JCAD: variants seen among roughly 807,000 people sequenced by gnomAD.
JCAD encodes the protein junctional cadherin 5-associated protein.
JCAD carries 40 observed loss-of-function variants against 98.0 expected under a neutral mutation model. That is an observed-to-expected ratio of 0.41 (90% confidence interval 0.32 to 0.53). The LOEUF (loss-of-function observed/expected upper bound fraction) is 0.53. JCAD is among the 20% of genes least tolerant of loss of function. JCAD has a pLI of 0.31. For synonymous variants in JCAD, 691 were observed against 682.3 expected (o/e 1.01, Z -0.20); for missense variants, 1,705 against 1,738.1 (o/e 0.98, Z 0.34).
intron 1 of JCAD, among the ~76,000 whole-genome samples, chr10:30,082,912 T>C (rs1838111566): frequency 1.4e-5 from 2 of 146,778 alleles, no homozygotes. Context: ...CATGCACCTG[T>C]AGTCCCAGCT....
chr10:30,068,806 C>T (rs941923603), intron 2 of JCAD, among the ~76,000 whole-genome samples: 2 of 152,236 alleles, frequency 1.3e-5, no homozygotes, highest in African/African-American at 4.8e-5. Context: ...TCCCAGACAA[C>T]TAGGGATAAC....
chr10:30,108,655 G>A (rs180680808), intron 1 of JCAD, among the ~76,000 whole-genome samples: 186 of 152,242 alleles, frequency 1.2e-3, no homozygotes, highest in Non-Finnish European at 2.0e-3. Flanking sequence ...AGAAATGATG[G>A]CAGTGATCAT....
Position 30,025,976 on chromosome 10 carries a change from C to T in JCAD, c.4045+127G>A, listed in dbSNP as rs757096733. On this transcript the variant is annotated intron_variant, in intron 3 of 3. Coordinates refer to ENST00000375377, the MANE Select transcript of JCAD (RefSeq NM_020848.4). Reference sequence around the variant, plus strand: ...GAAAATGAGGAATCTTTTGATAAAACAATTCCCAGGGTCAACTTGATCTTT... The same window carrying T: ...GAAAATGAGGAATCTTTTGATAAAATAATTCCCAGGGTCAACTTGATCTTT... 4.6e-6 allele frequency: 5 copies of T among 1,092,550 alleles called. No individual in the cohort carries two copies. In the South Asian group the frequency reaches 5.7e-5, roughly 12 times the overall value. The allele number at this position is 1,092,550 out of a possible 1,614,324, so 67.7% of individuals were successfully genotyped here. A position where few individuals can be genotyped will look rare whatever the true frequency, so the allele number is the denominator to read the frequency against.
At chr10:30,090,413 G>A (rs541950599) in intron 1 of JCAD, among the ~76,000 whole-genome samples, 1 of 152,188 alleles carries the variant, frequency 6.6e-6, no homozygotes, top group South Asian at 2.1e-4. Flanking sequence ...GTGGTGGCGG[G>A]TGCCTGTGAT....
intron 2 of JCAD, among the ~76,000 whole-genome samples, chr10:30,068,674 T>G (rs1370471250): frequency 6.6e-6 from 1 of 152,226 alleles, no homozygotes; most frequent in Non-Finnish European, 1.5e-5. Context: ...AGGGCCAAAC[T>G]AACAGCCAAG....
At chr10:30,020,119 G>A (rs1033702501) in intron 3 of JCAD, among the ~76,000 whole-genome samples, 2 of 151,816 alleles carry the variant, frequency 1.3e-5, no homozygotes, top group African/African-American at 4.8e-5. Flanking sequence ...ACCTGAGGTC[G>A]AGTTGGAGAC....
At chr10:30,092,919 A>T (rs1838308915) in intron 1 of JCAD, among the ~76,000 whole-genome samples, 1 of 152,136 alleles carries the variant, frequency 6.6e-6, no homozygotes, top group African/African-American at 2.4e-5. Flanking sequence ...GGAAAAATAG[A>T]ATATTCTGTG....
At chr10:30,077,620 GTCT>G (rs1838004622) in intron 1 of JCAD, among the ~76,000 whole-genome samples, 1 of 152,124 alleles carries the variant, frequency 6.6e-6, no homozygotes, top group South Asian at 2.1e-4. Flanking sequence ...CCTCTACTCT[GTCT>G]TCCATTTACA....
intron 1 of JCAD, among the ~76,000 whole-genome samples, chr10:30,054,870 C>T (rs1237942768): frequency 6.6e-6 from 1 of 151,894 alleles, no homozygotes; most frequent in Non-Finnish European, 1.5e-5. Context: ...AGGGTTTCAC[C>T]GTGTTAGCCA....
At chr10:30,080,759 C>A (rs1419671784) in intron 1 of JCAD, among the ~76,000 whole-genome samples, 2 of 152,134 alleles carry the variant, frequency 1.3e-5, no homozygotes, top group Non-Finnish European at 2.9e-5. Flanking sequence ...CTGGAATGAT[C>A]CCCTTATTAC....
At chr10:30,115,472 T>C (rs1838775536) in exon 1 of JCAD, 1 of 152,188 alleles carries the variant, frequency 6.6e-6, no homozygotes, top group African/African-American at 2.4e-5. Flanking sequence ...CCTCCTCCGA[T>C]AGCAGCTCTA....
chr10:30,063,721 A>G (rs945988044), upstream of JCAD, among the ~76,000 whole-genome samples: 2 of 152,188 alleles, frequency 1.3e-5, no homozygotes, highest in Admixed American at 6.5e-5. Flanking sequence ...CAGGGTGTTT[A>G]GCATATCCAT....
At chr10:30,069,338 C>T (rs749395983) in intron 2 of JCAD, among the ~76,000 whole-genome samples, 21 of 151,276 alleles carry the variant, frequency 1.4e-4, no homozygotes, top group Non-Finnish European at 2.6e-4. Context: ...TGGCTCATAC[C>T]TGTAATCCCA....
intron 2 of JCAD, among the ~76,000 whole-genome samples, chr10:30,038,722 AAG>A (rs1229637547): frequency 1.3e-5 from 2 of 149,970 alleles, no homozygotes; most frequent in Non-Finnish European, 2.9e-5. Context: ...AAGAAAAGAA[AAG>A]AGAAAGAGAA....
chr10:30,021,066 C>T (rs1836651683), intron 3 of JCAD, among the ~76,000 whole-genome samples: 1 of 152,218 alleles, frequency 6.6e-6, no homozygotes, highest in Non-Finnish European at 1.5e-5. Flanking sequence ...CATTTCAGCT[C>T]ACACCTTTTT....
At chr10:30,058,619 G>C (rs1456586079) in intron 1 of JCAD, among the ~76,000 whole-genome samples, 1 of 152,162 alleles carries the variant, frequency 6.6e-6, no homozygotes, top group Non-Finnish European at 1.5e-5. Flanking sequence ...GCTAGTGCTG[G>C]GCCCCACTGT....
intron 1 of JCAD, among the ~76,000 whole-genome samples, chr10:30,082,557 C>G (rs991983487): frequency 2.0e-5 from 3 of 151,746 alleles, no homozygotes; most frequent in Non-Finnish European, 4.4e-5. Flanking sequence ...CTCTACTAAA[C>G]ATAAAAAAAT....
In JCAD at chr10:30,017,796, A is replaced by G. The variant is rs374891227; in HGVS notation, c.*87T>C. Reference sequence around the variant, plus strand: ...AAACTCAGCAGCTTCCAGCTTCTACATGGGGAAGTGGGGCTGATAGACTAA... The same window carrying G: ...AAACTCAGCAGCTTCCAGCTTCTACGTGGGGAAGTGGGGCTGATAGACTAA... On this transcript the variant is annotated 3_prime_UTR_variant, in exon 4 of 4. Coordinates refer to ENST00000375377, the MANE Select transcript of JCAD (RefSeq NM_020848.4). 12 of 1,225,248 alleles carry G rather than the reference A, an allele frequency of 9.8e-6. No homozygotes were observed. The Admixed American group carries it at 1.9e-4, about 19-fold the overall frequency. 75.9% of individuals were successfully genotyped at this position (1,225,248 alleles called of 1,614,324 possible).
rs1440491275 is a variant in JCAD, at chr10:30,026,955, C to G, written c.3193G>C (p.Glu1065Gln). 3 of 1,614,230 alleles carry G rather than the reference C, an allele frequency of 1.9e-6. No individual in the cohort carries two copies. In the Admixed American group the frequency reaches 5.0e-5, roughly 27 times the overall value. Residue 1065 changes from glutamate (E) to glutamine (Q), a missense_variant, in exon 3 of 4, where the codon GAG becomes CAG. Glu to Gln is a conservative substitution (Grantham distance 29). Around this residue, in one of 3 missense-constraint regions of JCAD, gnomAD observed 1,278 missense variants for 1,243.1 expected, o/e 1.03. Coordinates refer to ENST00000375377, the MANE Select transcript of JCAD (RefSeq NM_020848.4). Reference protein sequence around the residue: ...PGQEQGASELEGSLGEASTIE... With the variant: ...PGQEQGASELQGSLGEASTIE... ...GTGCTTGCTTCACCCAAAGACCCCT[C>G]TAGCTCACTGGCACCCTGTTCTTGC...
Sources: gnomAD v4.1 joint callset for allele counts (sites outside exome capture counted in the v4.1 genomes callset) on GRCh38, gnomAD v4.1.1 for gene constraint, gnomAD v4.1.1 regional missense constraint, MANE v1.5 for transcripts, NCBI Gene and HGNC (gene_info 2026-07-23, HGNC 2026-07-21) for gene names.